Variants in PIK3R1 observed in about 807,000 individuals in gnomAD.
The protein encoded by PIK3R1 is phosphatidylinositol 3-kinase regulatory subunit alpha.
Under a neutral mutation model 98.0 loss-of-function variants are expected in PIK3R1, and 29 were observed. The observed-to-expected ratio is 0.30, with a 90% confidence interval of 0.22 to 0.40. The LOEUF is 0.40. Ranked by LOEUF, PIK3R1 falls within the 10% of genes least tolerant of loss-of-function variation. The probability of loss-of-function intolerance (pLI) is 1.00; values close to 1 mark genes in which losing one functional copy is unlikely to be tolerated. For missense variants in PIK3R1, 596 were observed against 872.7 expected, an observed-to-expected ratio of 0.68 and a Z score of 3.99; for synonymous variants, 282 against 311.8, an observed-to-expected ratio of 0.90 and a Z score of 1.01.
At chr5:68,221,758 G>A (rs1744099320) in intron 1 of PIK3R1, among the ~76,000 whole-genome samples, 1 of 152,232 alleles carries the variant, frequency 6.6e-6, no homozygotes, top group Admixed American at 6.5e-5. Context: ...TTAAGTAGCT[G>A]TGGATTGCTA....
At chr5:68,288,662 T>G in intron 7 of PIK3R1, 2 of 1,606,504 alleles carry the variant, frequency 1.2e-6, no homozygotes, top group South Asian at 2.2e-5. Context: ...TTGGCCCACT[T>G]GGTGGAAGAA....
chr5:68,296,360 C>A lies in PIK3R1; in HGVS notation c.1985+19C>A, dbSNP rs1438728156. 3 of 1,584,426 alleles carry A rather than the reference C, an allele frequency of 1.9e-6. No homozygotes were observed. Among genetic ancestry groups the A allele is most frequent in the Non-Finnish European group, 2.6e-6 (3 of 1,162,052 alleles). Reference sequence around the variant, plus strand: ...CTGTAGTGTATGTATCTCCAGCAAACTTTTCTTTACAACATCTCATGAAGA... The same window carrying A: ...CTGTAGTGTATGTATCTCCAGCAAAATTTTCTTTACAACATCTCATGAAGA... On this transcript the variant is annotated intron_variant, in intron 15 of 15. Coordinates refer to ENST00000521381, the MANE Select transcript of PIK3R1 (RefSeq NM_181523.3).
rs1580166080 is a variant in PIK3R1, at chr5:68,219,039, A to G, written c.-387+3090A>G. On this transcript the variant is annotated intron_variant, in intron 1 of 15. Coordinates refer to ENST00000521381, the MANE Select transcript of PIK3R1 (RefSeq NM_181523.3). ...TTGTATGGAGTTACTTGCTTAAAAG[A>G]GTGGCAATTAACGACCATTTCATGT... 2.0e-5 allele frequency among the ~76,000 whole-genome samples: 3 copies of G among 152,192 alleles called. No individual in the cohort carries two copies. In the East Asian group the frequency reaches 5.8e-4, roughly 29 times the overall value.
intron 2 of PIK3R1, among the ~76,000 whole-genome samples, chr5:68,245,468 C>A (rs947469471): frequency 6.6e-6 from 1 of 152,174 alleles, no homozygotes; most frequent in South Asian, 2.1e-4. Context: ...TTCTTGCTTA[C>A]ATGGAGCACT....
chr5:68,224,118 G>A (rs946172882), intron 1 of PIK3R1, among the ~76,000 whole-genome samples: 9 of 152,154 alleles, frequency 5.9e-5, no homozygotes, highest in African/African-American at 2.2e-4. Flanking sequence ...CAGATTTGGA[G>A]GAATTAAATT....
chr5:68,234,239 G>A lies in PIK3R1; in HGVS notation c.334+7230G>A, dbSNP rs929645630. ...TCTCTTTTGAGTTTCAGCAGTTTTT[G>A]TTTTAATCCTTCTCTTCCCAATCAG... On this transcript the variant is annotated intron_variant, in intron 2 of 15. Transcript: ENST00000521381. Among the ~76,000 whole-genome samples, 7 of 152,132 alleles carry A rather than the reference G, an allele frequency of 4.6e-5. No homozygotes were observed. In the East Asian group the frequency reaches 1.2e-3, roughly 25 times the overall value.
At chr5:68,230,274 G>T (rs528091917) in intron 2 of PIK3R1, among the ~76,000 whole-genome samples, 1 of 152,160 alleles carries the variant, frequency 6.6e-6, no homozygotes, top group Non-Finnish European at 1.5e-5. Context: ...TACTTATTAC[G>T]TTTATTGTTC....
Position 68,216,433 on chromosome 5 carries a change from C to T in PIK3R1, c.-387+484C>T, listed in dbSNP as rs550198750. On this transcript the variant is annotated intron_variant, in intron 1 of 15. Transcript: ENST00000521381. ...CTCCAGCTGCAGCCAGGGTCGCTGC[C>T]CGGGCCCTTCCCGGGGCGGGCGAGG... 2.6e-5 allele frequency among the ~76,000 whole-genome samples: 4 copies of T among 152,302 alleles called. No homozygotes were observed. The South Asian group carries it at 8.3e-4, about 32-fold the overall frequency.
At chr5:68,294,730 C>T (rs3730092) in intron 12 of PIK3R1, 52 bp downstream of exon 12, 3 of 1,293,228 alleles carry the variant, frequency 2.3e-6, no homozygotes, top group Non-Finnish European at 2.0e-6. Context: ...CCTCTAAAAC[C>T]ATTTAAAGAT....
At position 68,299,450 on chromosome 5, in the gene PIK3R1, C is replaced by T. The variant is rs962283263; in HGVS notation, c.*1849C>T. The T allele has an allele frequency of 1.4e-4, 33 of 233,198 alleles. No individual in the cohort carries two copies. Among genetic ancestry groups the T allele is most frequent in the Non-Finnish European group, 2.1e-4 (25 of 117,976 alleles). 14.4% of individuals were successfully genotyped at this position (233,198 alleles called of 1,614,324 possible). On this transcript the variant is annotated 3_prime_UTR_variant, in exon 16 of 16. Coordinates refer to ENST00000521381, the MANE Select transcript of PIK3R1 (RefSeq NM_181523.3). ...CTTCACTACGGGGGGGAGAAGGAAA[C>T]GTTAGCATCATGTTTCCCATTTAGG...
In PIK3R1 at chr5:68,301,476, A is replaced by G. The variant is rs913476674; in HGVS notation, c.*3875A>G. 5 of 140,014 alleles carry G rather than the reference A, an allele frequency of 3.6e-5. No individual in the cohort carries two copies. Among genetic ancestry groups the G allele is most frequent in the African/African-American group, 1.4e-4 (5 of 36,974 alleles). 8.7% of individuals were successfully genotyped at this position (140,014 alleles called of 1,614,324 possible). ...TATATGTGTATATATATATGTATATACATATATGTATATATATGCACATAT... is the reference window on the plus strand; with the variant it reads ...TATATGTGTATATATATATGTATATGCATATATGTATATATATGCACATAT... On this transcript the variant is annotated 3_prime_UTR_variant, in exon 16 of 16. Transcript: ENST00000521381.
intron 2 of PIK3R1, among the ~76,000 whole-genome samples, chr5:68,234,296 A>C (rs114496001): frequency 0.015 from 2,215 of 152,302 alleles, 31 homozygotes; most frequent in Middle Eastern, 0.024. Context: ...ACCCAGAAAA[A>C]TTGGTTCTCA....
In PIK3R1 at chr5:68,298,851, G is replaced by A. The variant is rs1446566531; in HGVS notation, c.*1250G>A. Reference sequence around the variant, plus strand: ...CAATGTTTATTTCATAAAGAATTGTGAACTTCTTGAATCTAGGGAGGGGGA... The same window carrying A: ...CAATGTTTATTTCATAAAGAATTGTAAACTTCTTGAATCTAGGGAGGGGGA... On this transcript the variant is annotated 3_prime_UTR_variant, in exon 16 of 16. Transcript: ENST00000521381. 1 of 223,882 alleles carries A rather than the reference G, an allele frequency of 4.5e-6. No homozygotes were observed. Among genetic ancestry groups the A allele is most frequent in the Non-Finnish European group, 8.9e-6 (1 of 112,954 alleles). The allele number at this position is 223,882 out of a possible 1,614,324, so 13.9% of individuals were successfully genotyped here. A position where few individuals can be genotyped will look rare whatever the true frequency, so the allele number is the denominator to read the frequency against.
chr5:68,241,405 A>G (rs1744869481), intron 2 of PIK3R1, among the ~76,000 whole-genome samples: 1 of 148,390 alleles, frequency 6.7e-6, no homozygotes, highest in Admixed American at 6.7e-5. Flanking sequence ...TTTTTTTTAC[A>G]GTACTGTTTT....
At chr5:68,273,639 GA>G in intron 3 of PIK3R1, 157 bp downstream of exon 3, 2 of 661,810 alleles carry the variant, frequency 3.0e-6, no homozygotes, top group South Asian at 3.8e-5. Context: ...TAAGTACTGG[GA>G]AAAATGTCTC....
rs397789500 is a variant in PIK3R1 at position 68,295,004 on chromosome 5, C to CA, written c.1569-129dup. On this transcript the variant is annotated intron_variant, in intron 12 of 15. Coordinates refer to ENST00000521381, the MANE Select transcript of PIK3R1 (RefSeq NM_181523.3). ...TAAAATAAAATATGTTGAGCCACTC[C>CA]AAAAAAAAAAAAAAATGACAGGAAG... 36,502 of 372,932 alleles carry CA rather than the reference C, an allele frequency of 0.098. 231 individuals carry two copies. Among genetic ancestry groups the CA allele is most frequent in the African/African-American group, 0.13 (5,257 of 41,040 alleles). The allele number at this position is 372,932 out of a possible 1,614,324, so 23.1% of individuals were successfully genotyped here.
At chr5:68,270,606 G>A (rs1230394873) in intron 2 of PIK3R1, among the ~76,000 whole-genome samples, 1 of 152,128 alleles carries the variant, frequency 6.6e-6, no homozygotes, top group African/African-American at 2.4e-5. Context: ...CATGAGAGTT[G>A]CATGGATATG....
chr5:68,292,725 G>A (rs1278363707), intron 8 of PIK3R1: 1 of 1,273,396 alleles, frequency 7.9e-7, no homozygotes, highest in East Asian at 3.9e-5. Context: ...GGAAGGGGGA[G>A]TAAGGTTGGA....
intron 4 of PIK3R1, among the ~76,000 whole-genome samples, chr5:68,279,066 A>G (rs185765445): frequency 1.2e-3 from 184 of 152,266 alleles, no homozygotes; most frequent in Non-Finnish European, 6.3e-4. Flanking sequence ...GCATCCTCAC[A>G]GCGTTTCTCC....
Sources: gnomAD v4.1 joint callset for allele counts (sites outside exome capture counted in the v4.1 genomes callset) on GRCh38, gnomAD v4.1.1 for gene constraint, MANE v1.5 for transcripts, NCBI Gene and HGNC (gene_info 2026-07-23, HGNC 2026-07-21) for gene names.